The following SMIM22 variants were observed in gnomAD, a reference collection of about 807,000 sequenced individuals.
The protein encoded by SMIM22 is cancer associated small integral membrane open reading frame 1.
A neutral mutation model predicts 8.4 loss-of-function variants in SMIM22; 16 were observed. That is an observed-to-expected ratio of 1.90 (90% CI 1.29 to 2.89). The LOEUF is 2.89. Ranked by LOEUF, SMIM22 falls within the 30% of genes most tolerant of loss-of-function variation. The pLI is 0.00. For synonymous variants in SMIM22, 67 were observed against 47.6 expected, an observed-to-expected ratio of 1.41 and a Z score of -1.68; for missense variants, 159 against 107.5, an observed-to-expected ratio of 1.48 and a Z score of -2.12.
At chr16:4,790,468 T>C (rs146600334), upstream of SMIM22, among the ~76,000 whole-genome samples, 389 of 152,236 alleles carry the variant, frequency 2.6e-3, 1 homozygote, top group Non-Finnish European at 4.0e-3. Context: ...TCCCGCTCCT[T>C]CCTGGAGGCT....
At chr16:4,795,664 C>A in intron 1 of SMIM22, 51 bp from the exon 2 acceptor site, 1 of 1,516,322 alleles carries the variant, frequency 6.6e-7, no homozygotes, top group South Asian at 1.2e-5. Context: ...GATGTGGTCC[C>A]CGCTGAGCTG....
chr16:4,792,567 T>C (rs1417841851), upstream of SMIM22, among the ~76,000 whole-genome samples: 13 of 149,354 alleles, frequency 8.7e-5, no homozygotes, highest in South Asian at 4.3e-4. Flanking sequence ...TTTGGGAGGC[T>C]GAGGGGGGCG....
upstream of SMIM22, among the ~76,000 whole-genome samples, chr16:4,793,487 G>A (rs895930867): frequency 6.6e-6 from 1 of 152,132 alleles, no homozygotes; most frequent in African/African-American, 2.4e-5. Flanking sequence ...CCCACTTTAG[G>A]ATTGCTATGA....
rs948470779 is a variant in SMIM22 at position 4,796,058 on chromosome 16, G to A, written c.225+10G>A. The A allele has an allele frequency of 1.3e-6, 2 of 1,531,688 alleles. No individual in the cohort carries two copies. Among genetic ancestry groups the A allele is most frequent in the Non-Finnish European group, 1.7e-6 (2 of 1,143,994 alleles). 94.9% of individuals were successfully genotyped at this position (1,531,688 alleles called of 1,614,324 possible). On this transcript the variant is annotated intron_variant, in intron 3 of 3. Coordinates refer to ENST00000586005, the MANE Select transcript of SMIM22 (RefSeq NM_001253794.2). ...GGTGAGCCCCTGGAAGGTGAGCCCT[G>A]CCGGCCTCTGGGACCTGCACGGAAC...
At chr16:4,789,316 C>A (rs1489505473) in intron 2 of SMIM22, among the ~76,000 whole-genome samples, 2 of 150,982 alleles carry the variant, frequency 1.3e-5, no homozygotes, top group African/African-American at 2.4e-5. Flanking sequence ...CTTTTTTTTT[C>A]TTTTTTCCTT....
chr16:4,793,357 G>T (rs116563225), upstream of SMIM22, among the ~76,000 whole-genome samples: 1 of 152,178 alleles, frequency 6.6e-6, no homozygotes, highest in Non-Finnish European at 1.5e-5. Context: ...TGAAGCCACA[G>T]AGTTTGTGGT....
upstream of SMIM22, among the ~76,000 whole-genome samples, chr16:4,794,514 G>A (rs1031930747): frequency 5.9e-5 from 9 of 151,584 alleles, no homozygotes; most frequent in East Asian, 1.9e-4. Flanking sequence ...TCTGCCTCCC[G>A]GGTTCAAGTG....
At chr16:4,796,089 T>A (rs1400740018) in intron 3 of SMIM22, 41 bp downstream of exon 3, 68 of 1,535,268 alleles carry the variant, frequency 4.4e-5, no homozygotes, top group Non-Finnish European at 8.7e-7. Flanking sequence ...GGAACTGTAC[T>A]GGGGGTGGAG....
upstream of SMIM22, among the ~76,000 whole-genome samples, chr16:4,794,456 T>C (rs1392558234): frequency 2.0e-5 from 3 of 148,268 alleles, no homozygotes; most frequent in Admixed American, 6.7e-5. Flanking sequence ...GTTTTGCTCT[T>C]GTTGCCCAGG....
chr16:4,793,080 G>A (rs1215195442), upstream of SMIM22, among the ~76,000 whole-genome samples: 1 of 134,794 alleles, frequency 7.4e-6, no homozygotes, highest in Admixed American at 8.3e-5. Flanking sequence ...CTGCACTCTA[G>A]CCTCAGCAAA....
rs1180393372 is a variant in SMIM22, at chr16:4,795,698, C to A, written c.-20-17C>A. 6.5e-7 allele frequency: 1 copy of A among 1,532,574 alleles called. No individual in the cohort carries two copies. The allele number at this position is 1,532,574 out of a possible 1,614,324, so 94.9% of individuals were successfully genotyped here. A position where few individuals can be genotyped will look rare whatever the true frequency, so the allele number is the denominator to read the frequency against. ...TGAGCCCAGGATCCTGATGCAGCCTCTGGGGGACCGGGGCAGGTGGCACGG... is the reference window on the plus strand; with the variant it reads ...TGAGCCCAGGATCCTGATGCAGCCTATGGGGGACCGGGGCAGGTGGCACGG... On this transcript the variant is annotated splice_polypyrimidine_tract_variant and intron_variant, in intron 1 of 3. Coordinates refer to ENST00000586005, the MANE Select transcript of SMIM22 (RefSeq NM_001253794.2).
At chr16:4,792,630 C>T (rs1352118818), upstream of SMIM22, among the ~76,000 whole-genome samples, 5 of 147,484 alleles carry the variant, frequency 3.4e-5, no homozygotes, top group South Asian at 2.2e-4. Flanking sequence ...GGTGAAACCC[C>T]GTCTCTACTG....
chr16:4,788,746 CTTGT>C (rs1187105533), exon 2 of SMIM22: 4 of 152,232 alleles, frequency 2.6e-5, no homozygotes, highest in African/African-American at 9.6e-5. Context: ...AAGATGTTAA[CTTGT>C]TTAATAATCA....
chr16:4,789,272 A>G (rs981518970), intron 2 of SMIM22, among the ~76,000 whole-genome samples: 2 of 152,100 alleles, frequency 1.3e-5, no homozygotes, highest in Admixed American at 6.5e-5. Flanking sequence ...CTGGTCTCCC[A>G]AAGTGTTGGG....
chr16:4,789,408 C>A (rs889196808), intron 2 of SMIM22, among the ~76,000 whole-genome samples: 5 of 151,856 alleles, frequency 3.3e-5, no homozygotes, highest in Non-Finnish European at 5.9e-5. Context: ...TCACTGTAAG[C>A]TCTGCCTCCC....
upstream of SMIM22, among the ~76,000 whole-genome samples, chr16:4,794,539 G>T (rs182059816): frequency 3.5e-3 from 536 of 152,092 alleles, 4 homozygotes; most frequent in African/African-American, 0.012. Flanking sequence ...TCCTGCCTCA[G>T]CCTCCCTAGT....
intron 1 of SMIM22, 61 bp downstream of exon 1, chr16:4,795,510 G>A: frequency 1.6e-6 from 1 of 612,676 alleles, no homozygotes; most frequent in South Asian, 2.1e-5. Context: ...GACAGTGGCT[G>A]GGGAGAAGGT....
At chr16:4,795,548 C>T in intron 1 of SMIM22, 99 bp downstream of exon 1, 1 of 786,862 alleles carries the variant, frequency 1.3e-6, no homozygotes. Flanking sequence ...CAGGGCTGGG[C>T]AAGGAGAGAA....
At position 4,796,292 on chromosome 16, in the gene SMIM22, G is replaced by A; in HGVS notation, c.*61G>A. 1.3e-6 allele frequency: 2 copies of A among 1,523,440 alleles called. No homozygotes were observed. The highest frequency in any genetic ancestry group is 1.2e-5 in the South Asian group (1 of 82,792). The allele number at this position is 1,523,440 out of a possible 1,614,324, so 94.4% of individuals were successfully genotyped here. A position where few individuals can be genotyped will look rare whatever the true frequency, so the allele number is the denominator to read the frequency against. ...TTCTGTCTGCCCAGAGCCTGAGTCT[G>A]CAGTGTCTTCCAGTCCCCGTCTGGG... is the stretch of plus-strand genomic sequence containing the variant. On this transcript the variant is annotated 3_prime_UTR_variant, in exon 4 of 4. Transcript: ENST00000586005.
Sources: allele counts gnomAD v4.1 joint callset (sites outside exome capture counted in the v4.1 genomes callset), GRCh38; gene constraint gnomAD v4.1.1; transcripts MANE v1.5; gene names NCBI Gene and HGNC (gene_info 2026-07-23, HGNC 2026-07-21).